TBC1D23: variants seen among roughly 807,000 people sequenced by gnomAD.
The protein encoded by TBC1D23 is HCV non-structural protein 4A-transactivated protein 1.
A neutral mutation model predicts 91.4 loss-of-function variants in TBC1D23; 55 were observed. The observed-to-expected ratio is 0.60, with a 90% CI of 0.48 to 0.75. The LOEUF (loss-of-function observed/expected upper bound fraction) is 0.75. TBC1D23 is among the 30% of genes least tolerant of loss of function. The pLI is 0.00. For synonymous variants in TBC1D23, 289 were observed against 281.0 expected, an observed-to-expected ratio of 1.03 and a Z score of -0.28; for missense variants, 725 against 836.1, an observed-to-expected ratio of 0.87 and a Z score of 1.64.
At chr3:100,279,611 G>T (rs1267370256) in intron 1 of TBC1D23, 38 bp from the exon 2 acceptor site, 1 of 1,323,898 alleles carries the variant, frequency 7.6e-7, no homozygotes, top group Non-Finnish European at 1.1e-6. Context: ...AAAAGTATGA[G>T]ATAAAGTTCA....
intron 1 of TBC1D23, among the ~76,000 whole-genome samples, chr3:100,269,054 A>G (rs2067579961): frequency 6.6e-6 from 1 of 152,230 alleles, no homozygotes; most frequent in Non-Finnish European, 1.5e-5. Context: ...TGGATTGTGG[A>G]TCAAAAATAA....
intron 13 of TBC1D23, 111 bp from the exon 14 acceptor site, chr3:100,310,292 C>A: frequency 3.2e-6 from 3 of 936,884 alleles, no homozygotes; most frequent in Non-Finnish European, 4.9e-6. Context: ...AGGACTTCAA[C>A]ATATGATTTT....
In TBC1D23 at chr3:100,290,601, C is replaced by T. The variant is rs868565342; in HGVS notation, c.500C>T (p.Pro167Leu). 1.2e-6 allele frequency: 2 copies of T among 1,613,618 alleles called. No individual in the cohort carries two copies. Among genetic ancestry groups the T allele is most frequent in the Non-Finnish European group, 1.7e-6 (2 of 1,179,816 alleles). ...AGGGATTGTTCCCAGAAAGGGAGAC[C>T]ATTTCATCTCTTCAGGTTGCTCATC... ...IPRDCSQKGRPFHLFRLLIQY... is the reference protein window; with the variant it reads ...IPRDCSQKGRLFHLFRLLIQY... The change falls in exon 5 of 19, where the codon CCA becomes CTA. Residue 167 changes from proline (P) to leucine (L), a missense_variant. By Grantham distance (98) the Pro-to-Leu change is moderately conservative (BLOSUM62 -3). Coordinates refer to ENST00000394144, the MANE Select transcript of TBC1D23 (RefSeq NM_001199198.3).
At chr3:100,285,858 TTTC>T (rs1381797170) in intron 4 of TBC1D23, among the ~76,000 whole-genome samples, 3 of 152,340 alleles carry the variant, frequency 2.0e-5, no homozygotes, top group African/African-American at 7.2e-5. Flanking sequence ...GCAATTTATA[TTTC>T]TTCTTTGGAG....
intron 18 of TBC1D23, among the ~76,000 whole-genome samples, chr3:100,321,893 C>G (rs1449572990): frequency 7.1e-6 from 1 of 141,748 alleles, no homozygotes; most frequent in South Asian, 2.3e-4. Flanking sequence ...GTGATATTTT[C>G]AATTAATAAT....
chr3:100,302,292 A>C (rs1705447616), intron 11 of TBC1D23, 55 bp downstream of exon 11: 1 of 1,396,948 alleles, frequency 7.2e-7, no homozygotes, highest in African/African-American at 1.5e-5. Flanking sequence ...CACCTTTAAA[A>C]AATTTACATA....
Position 100,306,982 on chromosome 3 carries a change from G to A in TBC1D23, c.1413+439G>A, listed in dbSNP as rs560094749. ...TAATCATCTCGTGCACACTATGTCTGTACCCATCCCCATCACAGACTTAAA... is the reference window on the plus strand; with the variant it reads ...TAATCATCTCGTGCACACTATGTCTATACCCATCCCCATCACAGACTTAAA... On this transcript the variant is annotated intron_variant, in intron 13 of 18. Transcript: ENST00000394144. Among the ~76,000 whole-genome samples the A allele has an allele frequency of 2.6e-5, 4 of 152,298 alleles. No homozygotes were observed. In the East Asian group the frequency reaches 7.7e-4, roughly 29 times the overall value.
chr3:100,285,946 T>C (rs1261660855), intron 4 of TBC1D23, among the ~76,000 whole-genome samples: 3 of 152,134 alleles, frequency 2.0e-5, no homozygotes, highest in Non-Finnish European at 2.9e-5. Context: ...CCAATAAATC[T>C]TTTGCACTCC....
At chr3:100,309,525 A>G (rs1478575158) in intron 13 of TBC1D23, among the ~76,000 whole-genome samples, 2 of 151,866 alleles carry the variant, frequency 1.3e-5, no homozygotes, top group African/African-American at 4.8e-5. Context: ...AGTAGTTTTA[A>G]CTGTTTCTTA....
At chr3:100,287,056 GC>G (rs952180432) in intron 4 of TBC1D23, among the ~76,000 whole-genome samples, 23 of 151,996 alleles carry the variant, frequency 1.5e-4, no homozygotes, top group African/African-American at 5.6e-4. Flanking sequence ...CAAGTGATCC[GC>G]CCCCTTCGGC....
At chr3:100,314,864 T>G (rs1294619936) in intron 15 of TBC1D23, among the ~76,000 whole-genome samples, 3 of 152,192 alleles carry the variant, frequency 2.0e-5, no homozygotes, top group Non-Finnish European at 4.4e-5. Flanking sequence ...TAGAAGATTT[T>G]GAGTGTTTTC....
At chr3:100,305,582 A>G (rs902323708) in intron 12 of TBC1D23, among the ~76,000 whole-genome samples, 1 of 152,198 alleles carries the variant, frequency 6.6e-6, no homozygotes, top group African/African-American at 2.4e-5. Flanking sequence ...CAGTTGTGCA[A>G]CTGAAGCTCC....
chr3:100,290,536 G>C, intron 4 of TBC1D23, 42 bp from the exon 5 acceptor site: 1 of 1,598,206 alleles, frequency 6.3e-7, no homozygotes, highest in South Asian at 1.1e-5. Context: ...GATTATTTCT[G>C]ATCTGTTAAT....
intron 4 of TBC1D23, 146 bp from the exon 5 acceptor site, chr3:100,290,432 A>G: frequency 1.4e-6 from 1 of 693,060 alleles, no homozygotes; most frequent in Non-Finnish European, 2.5e-6. Context: ...GGGACATTGA[A>G]AAAGGTATTA....
At chr3:100,281,511 G>A (rs2148854685) in intron 2 of TBC1D23, among the ~76,000 whole-genome samples, 1 of 152,094 alleles carries the variant, frequency 6.6e-6, no homozygotes, top group African/African-American at 2.4e-5. Flanking sequence ...AATATTTTGG[G>A]TAATTTATTG....
rs202010353 is a variant in TBC1D23 at position 100,321,929 on chromosome 3, CTGT to C, written c.2018+960_2018+962del. 5.2e-3 allele frequency among the ~76,000 whole-genome samples: 783 copies of C among 150,280 alleles called. 12 individuals carry two copies. The highest frequency in any genetic ancestry group is 0.017 in the African/African-American group (717 of 41,074). Reference sequence around the variant, plus strand: ...ATAAAGAATATGTCATTCTAATTCTCTGTTAACACATTGATGTGTATCTTCTCA... The same window carrying C: ...ATAAAGAATATGTCATTCTAATTCTCTAACACATTGATGTGTATCTTCTCA... On this transcript the variant is annotated intron_variant, in intron 18 of 18. Coordinates refer to ENST00000394144, the MANE Select transcript of TBC1D23 (RefSeq NM_001199198.3).
chr3:100,303,445 C>A (rs1029348290), intron 11 of TBC1D23, among the ~76,000 whole-genome samples: 1 of 152,040 alleles, frequency 6.6e-6, no homozygotes, highest in Non-Finnish European at 1.5e-5. Context: ...GAACCAAACT[C>A]ATTTCATTCA....
At chr3:100,321,785 A>G (rs1403372641) in intron 18 of TBC1D23, among the ~76,000 whole-genome samples, 1 of 151,914 alleles carries the variant, frequency 6.6e-6, no homozygotes, top group African/African-American at 2.4e-5. Flanking sequence ...TCATGAATCT[A>G]TACTGTTTTA....
intron 7 of TBC1D23, among the ~76,000 whole-genome samples, chr3:100,295,833 C>T (rs1288328058): frequency 6.6e-6 from 1 of 152,120 alleles, no homozygotes; most frequent in African/African-American, 2.4e-5. Context: ...TTTTTTCACA[C>T]AAGACAAAGT....
Sources: allele counts gnomAD v4.1 joint callset (sites outside exome capture counted in the v4.1 genomes callset), GRCh38; gene constraint gnomAD v4.1.1; transcripts MANE v1.5; gene names NCBI Gene and HGNC (gene_info 2026-07-23, HGNC 2026-07-21).